Variants in MCU observed in about 807,000 individuals in gnomAD.
The protein encoded by MCU is calcium uniporter protein, mitochondrial.
Under a neutral mutation model 45.2 loss-of-function variants are expected in MCU, and 12 were observed. The observed-to-expected ratio is 0.27, with a 90% CI of 0.17 to 0.43. The LOEUF (loss-of-function observed/expected upper bound fraction) is 0.43. Ranked by LOEUF, MCU falls within the 20% of genes least tolerant of loss-of-function variation. The pLI is 1.00. For missense variants in MCU, 324 were observed against 436.7 expected (o/e 0.74, Z 2.30); for synonymous variants, 160 against 165.1 (o/e 0.97, Z 0.24).
At chr10:72,874,953 C>T (rs927594404) in intron 6 of MCU, among the ~76,000 whole-genome samples, 7 of 152,132 alleles carry the variant, frequency 4.6e-5, no homozygotes, top group African/African-American at 9.7e-5. Context: ...CTATTAAGTA[C>T]GTTTTGCTAA....
In MCU at chr10:72,805,373, C is replaced by T. The variant is rs550170583; in HGVS notation, c.151-28986C>T. ...AAGTGATTCTCATGCCTCAGCCTCC[C>T]GTGTAGCTGGGACTACAGGTGCCTG... On this transcript the variant is annotated intron_variant, in intron 1 of 7. Coordinates refer to ENST00000373053, the MANE Select transcript of MCU (RefSeq NM_138357.3). 3.4e-4 allele frequency among the ~76,000 whole-genome samples: 51 copies of T among 151,634 alleles called. 1 individual carries two copies. Among genetic ancestry groups the T allele is most frequent in the South Asian group, 1.7e-3 (8 of 4,796 alleles).
intron 6 of MCU, among the ~76,000 whole-genome samples, chr10:72,876,187 T>C (rs985900173): frequency 2.0e-5 from 3 of 152,236 alleles, no homozygotes; most frequent in Admixed American, 6.5e-5. Flanking sequence ...CCTTCTTTCC[T>C]AGAACTGTCC....
At chr10:72,804,052 AT>A (rs1564561687) in intron 1 of MCU, among the ~76,000 whole-genome samples, 3 of 82,436 alleles carry the variant, frequency 3.6e-5, no homozygotes, top group East Asian at 3.5e-4. Flanking sequence ...ATATATATAT[AT>A]ATATATATAT....
intron 1 of MCU, among the ~76,000 whole-genome samples, chr10:72,784,022 C>T (rs1000482551): frequency 2.6e-5 from 4 of 152,192 alleles, no homozygotes; most frequent in Non-Finnish European, 4.4e-5. Flanking sequence ...GGCTGTTCCA[C>T]GTAATTAACC....
intron 1 of MCU, among the ~76,000 whole-genome samples, chr10:72,814,523 T>A (rs1844595898): frequency 6.6e-6 from 1 of 152,176 alleles, no homozygotes; most frequent in South Asian, 2.1e-4. Flanking sequence ...ATAAAGGAAT[T>A]TTTACTCTTC....
chr10:72,704,773 G>A (rs892530640), intron 1 of MCU, among the ~76,000 whole-genome samples: 2 of 146,756 alleles, frequency 1.4e-5, no homozygotes, highest in Non-Finnish European at 3.0e-5. Flanking sequence ...GGAGTGCAGT[G>A]GCGCGATCTC....
intron 2 of MCU, among the ~76,000 whole-genome samples, chr10:72,850,465 A>T (rs1212174740): frequency 6.6e-6 from 1 of 152,170 alleles, no homozygotes; most frequent in Admixed American, 6.5e-5. Flanking sequence ...TATACAGGTG[A>T]TATATTTTAG....
chr10:72,706,314 T>A (rs1842819348), intron 1 of MCU, among the ~76,000 whole-genome samples: 1 of 151,978 alleles, frequency 6.6e-6, no homozygotes, highest in South Asian at 2.1e-4. Flanking sequence ...AATATAGATA[T>A]ATGAGATTCC....
chr10:72,805,101 C>CTTTCTTTCTTTCTCTTTCTT (rs1554824914), intron 1 of MCU, among the ~76,000 whole-genome samples: 3 of 103,398 alleles, frequency 2.9e-5, no homozygotes, highest in African/African-American at 1.3e-4. Flanking sequence ...TTCTTTCTTT[C>CTTTCTTTCTTTCTCTTTCTT]TCTTTCTTTC....
intron 1 of MCU, among the ~76,000 whole-genome samples, chr10:72,693,520 T>A (rs1380402873): frequency 6.6e-6 from 1 of 152,178 alleles, no homozygotes; most frequent in Non-Finnish European, 1.5e-5. Context: ...CTGGAGCTCT[T>A]CGGAGAGGAT....
intron 1 of MCU, among the ~76,000 whole-genome samples, chr10:72,693,759 A>G (rs1012206014): frequency 3.9e-5 from 6 of 152,148 alleles, no homozygotes; most frequent in Non-Finnish European, 5.9e-5. Flanking sequence ...TTTAATTTGC[A>G]TGTTTCATAG....
At chr10:72,757,296 A>G (rs1843592063) in intron 1 of MCU, among the ~76,000 whole-genome samples, 1 of 152,202 alleles carries the variant, frequency 6.6e-6, no homozygotes, top group Admixed American at 6.5e-5. Context: ...CTCCAGCTGA[A>G]GAAACAAGGG....
At chr10:72,780,266 A>T (rs1405648174) in intron 1 of MCU, among the ~76,000 whole-genome samples, 1 of 152,138 alleles carries the variant, frequency 6.6e-6, no homozygotes, top group Non-Finnish European at 1.5e-5. Context: ...TGGGTAGAGG[A>T]TAATGGGGAG....
At chr10:72,692,918 T>A in intron 1 of MCU, 1 of 1,503,746 alleles carries the variant, frequency 6.7e-7, no homozygotes, top group Non-Finnish European at 8.9e-7. Context: ...TCCCTCGAGA[T>A]GGATGCTGCA....
chr10:72,697,599 A>T (rs765122653), intron 1 of MCU, among the ~76,000 whole-genome samples: 5 of 151,050 alleles, frequency 3.3e-5, no homozygotes, highest in Middle Eastern at 3.4e-3. Context: ...ACGCCCGGCT[A>T]ATGTTTTTGT....
intron 1 of MCU, among the ~76,000 whole-genome samples, chr10:72,809,480 A>G (rs774803656): frequency 2.6e-5 from 4 of 152,210 alleles, no homozygotes; most frequent in Admixed American, 6.5e-5. Context: ...TAAAATGGCT[A>G]TGGGTCTTAA....
chr10:72,848,865 G>C (rs11000426), intron 2 of MCU, among the ~76,000 whole-genome samples: 1 of 152,272 alleles, frequency 6.6e-6, no homozygotes, highest in East Asian at 1.9e-4. Context: ...AATTGAACTG[G>C]AGCAAGGCTG....
At chr10:72,883,221 T>A (rs1389689436) in intron 6 of MCU, among the ~76,000 whole-genome samples, 1 of 151,638 alleles carries the variant, frequency 6.6e-6, no homozygotes, top group Non-Finnish European at 1.5e-5. Context: ...GAACTGGGGG[T>A]TTGGGGGGAG....
At chr10:72,768,870 A>G (rs1843766046) in intron 1 of MCU, among the ~76,000 whole-genome samples, 1 of 152,138 alleles carries the variant, frequency 6.6e-6, no homozygotes, top group Admixed American at 6.6e-5. Flanking sequence ...TGTTTTTGAA[A>G]CAGGGTCTTC....
Sources: allele counts gnomAD v4.1 joint callset (sites outside exome capture counted in the v4.1 genomes callset), GRCh38; gene constraint gnomAD v4.1.1; transcripts MANE v1.5; gene names NCBI Gene and HGNC (gene_info 2026-07-23, HGNC 2026-07-21).